Variants in EGFLAM observed in about 807,000 individuals in gnomAD.
The protein encoded by EGFLAM is pikachurin.
In EGFLAM, 79 loss-of-function variants were observed where a neutral mutation model predicts 113.1. The observed-to-expected ratio is 0.70, with a 90% CI of 0.58 to 0.84. EGFLAM has a LOEUF of 0.84. Among genes scored for constraint, EGFLAM ranks in the 40% least tolerant of loss-of-function variants. The probability of loss-of-function intolerance (pLI) is 0.00; values close to 1 mark genes in which losing one functional copy is unlikely to be tolerated. For missense variants in EGFLAM, 1,265 were observed against 1,291.6 expected, an observed-to-expected ratio of 0.98 and a Z score of 0.32; for synonymous variants, 504 against 487.6, an observed-to-expected ratio of 1.03 and a Z score of -0.44.
intron 17 of EGFLAM, among the ~76,000 whole-genome samples, chr5:38,444,018 G>A (rs986840019): frequency 2.0e-5 from 3 of 151,980 alleles, no homozygotes; most frequent in African/African-American, 4.8e-5. Flanking sequence ...TGATCCACCC[G>A]CCTGGACCTC....
In EGFLAM at chr5:38,309,997, A is replaced by C. The variant is rs148069143; in HGVS notation, c.98-27523A>C. ...AAGTAGGCCATGATGGGGAATTCCA[A>C]GTTGCTAGCACCATTCAGGACCTCA... is the stretch of plus-strand genomic sequence containing the variant. On this transcript the variant is annotated intron_variant, in intron 1 of 21. Coordinates refer to ENST00000322350, the MANE Select transcript of EGFLAM (RefSeq NM_152403.4). 1.1e-3 allele frequency among the ~76,000 whole-genome samples: 171 copies of C among 152,284 alleles called. 2 individuals carry two copies. The highest frequency in any genetic ancestry group is 3.9e-3 in the African/African-American group (162 of 41,564).
rs994598470 is a variant in EGFLAM at position 38,352,406 on chromosome 5, T to C, written c.545+75T>C. 84 of 1,576,484 alleles carry C rather than the reference T, an allele frequency of 5.3e-5. No individual in the cohort carries two copies. In the African/African-American group the frequency reaches 1.1e-3, roughly 21 times the overall value. ...GCTCACACCTGTAATCCCAGCACTT[T>C]GGCAGGCTGAGGCGGGCAGATCACA... On this transcript the variant is annotated intron_variant, in intron 5 of 21. Coordinates refer to ENST00000322350, the MANE Select transcript of EGFLAM (RefSeq NM_152403.4).
intron 12 of EGFLAM, among the ~76,000 whole-genome samples, chr5:38,422,434 C>T: frequency 6.6e-6 from 1 of 152,182 alleles, no homozygotes. Context: ...CTCAGTAGCC[C>T]AGGGATTCTT....
intron 13 of EGFLAM, among the ~76,000 whole-genome samples, chr5:38,425,954 T>A (rs1175403467): frequency 1.3e-5 from 2 of 152,010 alleles, no homozygotes; most frequent in East Asian, 1.9e-4. Flanking sequence ...AATACAAAAA[T>A]TAGCTGGGTG....
intron 1 of EGFLAM, among the ~76,000 whole-genome samples, chr5:38,276,842 A>G (rs1757899463): frequency 6.6e-6 from 1 of 152,216 alleles, no homozygotes; most frequent in Admixed American, 6.5e-5. Context: ...GGCCACATAC[A>G]ACCTATCAAG....
intron 20 of EGFLAM, 78 bp from the exon 21 acceptor site, chr5:38,462,830 G>A (rs769933399): frequency 1.4e-6 from 2 of 1,477,752 alleles, no homozygotes; most frequent in African/African-American, 1.4e-5. Context: ...TAATACATTT[G>A]TATTGAAATG....
intron 17 of EGFLAM, 53 bp downstream of exon 17, chr5:38,438,508 C>G: frequency 6.8e-7 from 1 of 1,471,504 alleles, no homozygotes; most frequent in Non-Finnish European, 9.1e-7. Flanking sequence ...AAGGAACGGA[C>G]AGCCAATTGG....
chr5:38,450,787 A>G (rs1221527356), intron 18 of EGFLAM, among the ~76,000 whole-genome samples: 1 of 151,564 alleles, frequency 6.6e-6, no homozygotes, highest in Non-Finnish European at 1.5e-5. Context: ...CTCTGCCTCA[A>G]CACCACTCCA....
chr5:38,440,155 G>A (rs930753877), intron 17 of EGFLAM, among the ~76,000 whole-genome samples: 4 of 152,148 alleles, frequency 2.6e-5, no homozygotes, highest in East Asian at 1.9e-4. Flanking sequence ...AATGGATGAC[G>A]GCAGAGGGAA....
chr5:38,356,914 C>G (rs1739776374), intron 5 of EGFLAM, among the ~76,000 whole-genome samples: 1 of 152,046 alleles, frequency 6.6e-6, no homozygotes, highest in Non-Finnish European at 1.5e-5. Flanking sequence ...ATTCGAACAC[C>G]CAAGGCGATG....
chr5:38,261,979 C>T (rs914231069), intron 1 of EGFLAM, among the ~76,000 whole-genome samples: 43 of 152,206 alleles, frequency 2.8e-4, no homozygotes, highest in African/African-American at 1.0e-3. Context: ...CAGACCTTCA[C>T]GGTGTGGACA....
At chr5:38,425,961 G>A (rs534972216) in intron 13 of EGFLAM, among the ~76,000 whole-genome samples, 1 of 152,188 alleles carries the variant, frequency 6.6e-6, no homozygotes, top group East Asian at 1.9e-4. Flanking sequence ...AAATTAGCTG[G>A]GTGTGGTGGT....
At position 38,438,451 on chromosome 5, in the gene EGFLAM, G is replaced by A. The variant is rs968823869; in HGVS notation, c.2460G>A (p.Gln820=). 89 of 1,607,256 alleles carry A rather than the reference G, an allele frequency of 5.5e-5. No individual in the cohort carries two copies. The highest frequency in any genetic ancestry group is 7.1e-5 in the Non-Finnish European group (84 of 1,175,668). The change falls in exon 17 of 22, where the codon CAG becomes CAA. Residue 820 remains glutamine (Q), a synonymous_variant. Coordinates refer to ENST00000322350, the MANE Select transcript of EGFLAM (RefSeq NM_152403.4). ...CPLGFEGLHC[Q]KAIIEAIEIP... is the part of the protein sequence containing the mutation. ...TGGGCTTTGAGGGGCTTCACTGCCA[G>A]AAAGGTACGCTCAGGGGTCTGAGGC...
rs1313153566 is a variant in EGFLAM at position 38,358,361 on chromosome 5, T to G, written c.545+6030T>G. 5.1e-4 allele frequency among the ~76,000 whole-genome samples: 75 copies of G among 146,368 alleles called. 1 individual carries two copies. The highest frequency in any genetic ancestry group is 1.8e-3 in the African/African-American group (70 of 39,288). On this transcript the variant is annotated intron_variant, in intron 5 of 21. Transcript: ENST00000322350. ...ACTCGGGAGGCTGAGGCAGAAGAAT[T>G]GTGTGAACCCGGGAGGCGGAGCTTG...
chr5:38,412,011 G>A (rs1339987288), intron 10 of EGFLAM, among the ~76,000 whole-genome samples: 1 of 152,052 alleles, frequency 6.6e-6, no homozygotes, highest in Non-Finnish European at 1.5e-5. Context: ...TGTTGGTCAG[G>A]CTGGTCTCGA....
Position 38,350,638 on chromosome 5 carries a change from A to G in EGFLAM, c.409+20A>G. 6.2e-7 allele frequency: 1 copy of G among 1,606,352 alleles called. No homozygotes were observed. ...CCCAAGGTAAAGTAGGTTCAAATTC[A>G]TTAATAGGTGGCAGGCTGCTATCCA... is the stretch of plus-strand genomic sequence containing the variant. On this transcript the variant is annotated intron_variant, in intron 4 of 21. Coordinates refer to ENST00000322350, the MANE Select transcript of EGFLAM (RefSeq NM_152403.4).
At chr5:38,400,983 C>G (rs1433026963) in intron 6 of EGFLAM, 1 of 152,248 alleles carries the variant, frequency 6.6e-6, no homozygotes, top group East Asian at 1.9e-4. Flanking sequence ...CCCTATGTTT[C>G]CCCAAACTGA....
At chr5:38,461,152 A>G (rs775884719) in intron 20 of EGFLAM, 9 of 152,202 alleles carry the variant, frequency 5.9e-5, no homozygotes, top group Non-Finnish European at 1.0e-4. Context: ...TCTCCACAAT[A>G]ATCTCGGGAG....
chr5:38,320,631 T>C (rs114391556), intron 1 of EGFLAM, among the ~76,000 whole-genome samples: 2 of 152,090 alleles, frequency 1.3e-5, no homozygotes, highest in African/African-American at 2.4e-5. Flanking sequence ...TACGTGTGTG[T>C]GTGTATATGT....
Sources: gnomAD v4.1 joint callset for allele counts (sites outside exome capture counted in the v4.1 genomes callset) on GRCh38, gnomAD v4.1.1 for gene constraint, MANE v1.5 for transcripts, NCBI Gene and HGNC (gene_info 2026-07-23, HGNC 2026-07-21) for gene names.